DCT: variants seen among roughly 807,000 people sequenced by gnomAD.
DCT encodes L-dopachrome tautomerase.
In DCT, 47 loss-of-function variants were observed where a neutral mutation model predicts 53.0. The observed-to-expected ratio is 0.89, with a 90% confidence interval of 0.70 to 1.13. The LOEUF is 1.13. DCT is among the 50% of genes most tolerant of loss of function. DCT has a pLI of 0.00. For missense variants in DCT, 669 were observed against 637.4 expected, an observed-to-expected ratio of 1.05 and a Z score of -0.53; for synonymous variants, 244 against 237.0, an observed-to-expected ratio of 1.03 and a Z score of -0.27.
the DCT span, among the ~76,000 whole-genome samples, chr13:94,533,718 G>A: frequency 6.6e-6 from 1 of 152,132 alleles, no homozygotes; most frequent in Non-Finnish European, 1.5e-5. Context: ...CCAGGAGTTG[G>A]AGGTTGCAGT....
At chr13:94,473,677 T>C (rs901320169) in intron 1 of DCT, among the ~76,000 whole-genome samples, 3 of 152,184 alleles carry the variant, frequency 2.0e-5, no homozygotes, top group African/African-American at 7.2e-5. Context: ...ACAACTACAG[T>C]GAACAAGAAA....
At position 94,443,654 on chromosome 13, in the gene DCT, C is replaced by T. The variant is rs778063709; in HGVS notation, c.1180-17G>A. ...ATGAAGAACCTGCAAAACAGTTGGA[C>T]ACAGCATTTAACATAAATCAGTCTG... On this transcript the variant is annotated splice_polypyrimidine_tract_variant and intron_variant, in intron 6 of 7. Transcript: ENST00000377028. 75 of 1,597,346 alleles carry T rather than the reference C, an allele frequency of 4.7e-5. No homozygotes were observed. The highest frequency in any genetic ancestry group is 6.3e-5 in the Non-Finnish European group (74 of 1,166,306).
the DCT span, among the ~76,000 whole-genome samples, chr13:94,542,121 A>C: frequency 6.6e-6 from 1 of 152,194 alleles, no homozygotes; most frequent in Non-Finnish European, 1.5e-5. Context: ...ACATCATTTA[A>C]AAGTCTGTGT....
At chr13:94,529,642 T>C in the DCT span, among the ~76,000 whole-genome samples, 1 of 152,160 alleles carries the variant, frequency 6.6e-6, no homozygotes, top group Admixed American at 6.5e-5. Context: ...TTTAAAGCAG[T>C]GTGTAGAGGT....
the DCT span, among the ~76,000 whole-genome samples, chr13:94,491,470 T>C: frequency 6.6e-6 from 1 of 152,186 alleles, no homozygotes; most frequent in African/African-American, 2.4e-5. Context: ...ACCTGACTCC[T>C]AAATAAGGTC....
the DCT span, among the ~76,000 whole-genome samples, chr13:94,529,498 A>C: frequency 6.6e-6 from 1 of 152,156 alleles, no homozygotes; most frequent in Admixed American, 6.5e-5. Flanking sequence ...ACTCAAAACC[A>C]CACAACTACA....
rs758291069 is a variant in DCT at position 94,465,793 on chromosome 13, T to A, written c.703A>T (p.Ile235Phe). The A allele has an allele frequency of 1.2e-6, 2 of 1,610,500 alleles. No homozygotes were observed. Among genetic ancestry groups the A allele is most frequent in the Non-Finnish European group, 1.7e-6 (2 of 1,178,356 alleles). The stretch of plus-strand genomic sequence containing the variant: ...GGCAAAGCAAAAGACTCATTGCCAA[T>A]GAGTCGCTAAAAGCAAAGGGCAGGC... ...LCLERDLQRLIGNESFALPYW... is the reference protein window; with the variant it reads ...LCLERDLQRLFGNESFALPYW... Residue 235 changes from isoleucine (I) to phenylalanine (F), a missense_variant, in exon 4 of 8, where the codon ATT becomes TTT. Physicochemically the swap from Ile to Phe is conservative, Grantham distance 21. Transcript: ENST00000377028.
intron 6 of DCT, chr13:94,445,741 T>G (rs750714880): frequency 1.3e-5 from 20 of 1,587,812 alleles, no homozygotes; most frequent in Non-Finnish European, 1.7e-5. Context: ...GGAAGGGAGT[T>G]CCTTGGTCGC....
At chr13:94,462,807 A>T (rs1883901352) in intron 4 of DCT, among the ~76,000 whole-genome samples, 1 of 152,208 alleles carries the variant, frequency 6.6e-6, no homozygotes, top group Admixed American at 6.5e-5. Flanking sequence ...TGTGCATTTG[A>T]ATCTTGAGTA....
the DCT span, among the ~76,000 whole-genome samples, chr13:94,497,876 A>ATGTG: frequency 0.048 from 7,297 of 151,558 alleles, 246 homozygotes; most frequent in South Asian, 0.1. Flanking sequence ...GGTCACCTAT[A>ATGTG]TGTGTGTGTG....
rs748563244 is a variant in DCT at position 94,479,111 on chromosome 13, C to T, written c.145G>A (p.Ala49Thr). The T allele has an allele frequency of 3.7e-6, 6 of 1,614,100 alleles. No individual in the cohort carries two copies. In the African/African-American group the frequency reaches 6.7e-5, roughly 18 times the overall value. Residue 49 changes from alanine (A) to threonine (T), a missense_variant, in exon 1 of 8, where the codon GCC (alanine) becomes ACC (threonine). Ala to Thr is a moderately conservative substitution (Grantham distance 58). Coordinates refer to ENST00000377028, the MANE Select transcript of DCT (RefSeq NM_001922.5). ...ECCPRLGAES[A>T]NVCGSQQGRG... ...CCTTGCTGAGAGCCACAGACATTGG[C>T]CGACTCTGCACCCAGGCGTGGGCAG... is the stretch of plus-strand genomic sequence containing the variant.
At chr13:94,508,593 G>C in the DCT span, among the ~76,000 whole-genome samples, 1 of 152,164 alleles carries the variant, frequency 6.6e-6, no homozygotes, top group Non-Finnish European at 1.5e-5. Context: ...TTTCAAATTA[G>C]AGAAGTTTCC....
chr13:94,479,335 T>C lies in DCT; in HGVS notation c.-80A>G. ...ACTTTTCTCCTTATCTTCTACTCTTTCAGTCTTTTCTTTTCAGTATTTTTT... is the reference window on the plus strand; with the variant it reads ...ACTTTTCTCCTTATCTTCTACTCTTCCAGTCTTTTCTTTTCAGTATTTTTT... On this transcript the variant is annotated 5_prime_UTR_variant, in exon 1 of 8. Coordinates refer to ENST00000377028, the MANE Select transcript of DCT (RefSeq NM_001922.5). The C allele has an allele frequency of 1.6e-6, 2 of 1,227,856 alleles. No homozygotes were observed. The highest frequency in any genetic ancestry group is 2.2e-6 in the Non-Finnish European group (2 of 895,986). 76.1% of individuals were successfully genotyped at this position (1,227,856 alleles called of 1,614,324 possible). A position where few individuals can be genotyped will look rare whatever the true frequency, so the allele number is the denominator to read the frequency against.
the DCT span, among the ~76,000 whole-genome samples, chr13:94,527,608 T>C: frequency 6.6e-6 from 1 of 151,958 alleles, no homozygotes; most frequent in Non-Finnish European, 1.5e-5. Context: ...GAAAAGGACA[T>C]CCACAACAAA....
At chr13:94,480,175 C>T (rs1442917239), upstream of DCT, among the ~76,000 whole-genome samples, 1 of 152,206 alleles carries the variant, frequency 6.6e-6, no homozygotes, top group Non-Finnish European at 1.5e-5. Context: ...TTCAGCACAT[C>T]TACGCAGCAA....
the DCT span, among the ~76,000 whole-genome samples, chr13:94,547,064 A>G: frequency 1.3e-5 from 2 of 151,882 alleles, no homozygotes; most frequent in Non-Finnish European, 1.5e-5. Context: ...TGATCTCTCA[A>G]TTTGCCCGCT....
intron 6 of DCT, 129 bp downstream of exon 6, chr13:94,459,962 T>C: frequency 9.7e-7 from 1 of 1,033,432 alleles, no homozygotes; most frequent in Non-Finnish European, 1.4e-6. Context: ...AGATTGAAAT[T>C]AATTTACATT....
chr13:94,473,773 T>TG (rs1334043673), intron 1 of DCT, among the ~76,000 whole-genome samples: 4 of 151,770 alleles, frequency 2.6e-5, no homozygotes, highest in African/African-American at 4.8e-5. Context: ...GAATGGGAAG[T>TG]GGGGGGGTAA....
the DCT span, among the ~76,000 whole-genome samples, chr13:94,545,596 C>G: frequency 6.6e-6 from 1 of 152,082 alleles, no homozygotes; most frequent in Non-Finnish European, 1.5e-5. Flanking sequence ...AGCCTCCAAT[C>G]AGGGCACACC....
Sources: gnomAD v4.1 joint callset for allele counts (sites outside exome capture counted in the v4.1 genomes callset) on GRCh38, gnomAD v4.1.1 for gene constraint, MANE v1.5 for transcripts, NCBI Gene and HGNC (gene_info 2026-07-23, HGNC 2026-07-21) for gene names.